CNTNAP2: variants seen among roughly 807,000 people sequenced by gnomAD.
CNTNAP2 encodes contactin associated protein 2.
Under a neutral mutation model 155.2 loss-of-function variants are expected in CNTNAP2, and 98 were observed. That is an observed-to-expected ratio of 0.63 (90% confidence interval 0.54 to 0.75). The LOEUF (loss-of-function observed/expected upper bound fraction) is 0.75. CNTNAP2 is among the 30% of genes least tolerant of loss of function. The pLI is 0.00. For synonymous variants in CNTNAP2, 651 were observed against 631.2 expected, an observed-to-expected ratio of 1.03 and a Z score of -0.47; for missense variants, 1,727 against 1,688.1, an observed-to-expected ratio of 1.02 and a Z score of -0.40.
chr7:147,242,729 A>G (rs1022095842), intron 8 of CNTNAP2, among the ~76,000 whole-genome samples: 6 of 152,142 alleles, frequency 3.9e-5, no homozygotes, highest in Non-Finnish European at 7.3e-5. Flanking sequence ...AACTATTTAA[A>G]AATAAGGCTG....
At chr7:148,364,193 G>A (rs560329859) in intron 21 of CNTNAP2, among the ~76,000 whole-genome samples, 88 of 152,350 alleles carry the variant, frequency 5.8e-4, no homozygotes, top group African/African-American at 2.0e-3. Context: ...TGAGGAATGT[G>A]AGCGCACGGT....
In CNTNAP2 at chr7:147,557,191, G is replaced by A. The variant is rs546267581; in HGVS notation, c.1778-4947G>A. ...ACGCAAGAGGATCGCTTGAACCCGG[G>A]AGGCAAAGATTGCAGTGAGCCGAGA... On this transcript the variant is annotated intron_variant, in intron 11 of 23. Transcript: ENST00000361727. Among the ~76,000 whole-genome samples, 7 of 152,050 alleles carry A rather than the reference G, an allele frequency of 4.6e-5. No individual in the cohort carries two copies. The South Asian group carries it at 1.5e-3, about 32-fold the overall frequency.
At chr7:147,072,339 A>T (rs1799908708) in intron 4 of CNTNAP2, among the ~76,000 whole-genome samples, 1 of 152,132 alleles carries the variant, frequency 6.6e-6, no homozygotes, top group African/African-American at 2.4e-5. Context: ...TTTTGATTCC[A>T]TTAGAAACCC....
At chr7:147,027,652 A>G (rs1207844969) in intron 3 of CNTNAP2, among the ~76,000 whole-genome samples, 4 of 152,204 alleles carry the variant, frequency 2.6e-5, no homozygotes, top group Admixed American at 1.3e-4. Context: ...TGGACAGTTT[A>G]TAAAGTGAAT....
Position 147,603,759 on chromosome 7 carries a change from A to G in CNTNAP2, c.1898-35347A>G, listed in dbSNP as rs1040830361. On this transcript the variant is annotated intron_variant, in intron 12 of 23. Transcript: ENST00000361727. ...ATGGAACCAAAAAAGAGCCCACATC[A>G]CCAAGTCAATCCTAAGCCAAAAGAA... 5.3e-5 allele frequency among the ~76,000 whole-genome samples: 8 copies of G among 152,226 alleles called. No individual in the cohort carries two copies. In the East Asian group the frequency reaches 9.7e-4, roughly 18 times the overall value.
At chr7:146,545,979 A>T (rs1238852880) in intron 1 of CNTNAP2, among the ~76,000 whole-genome samples, 2 of 152,006 alleles carry the variant, frequency 1.3e-5, no homozygotes, top group Non-Finnish European at 2.9e-5. Context: ...ACAATGGATC[A>T]TGATATATTC....
chr7:147,121,080 C>G lies in CNTNAP2; in HGVS notation c.856C>G (p.Arg286Gly). ...CTCTGTGGTCATTGAGCGCCAGGGGCGGAGCATTAACCTCACTCTGGACAG... is the reference window on the plus strand; with the variant it reads ...CTCTGTGGTCATTGAGCGCCAGGGGGGGAGCATTAACCTCACTCTGGACAG... The part of the protein sequence containing the change: ...WHSVVIERQG[R>G]SINLTLDRSM... The change falls in exon 6 of 24, where the codon CGG (arginine) becomes GGG (glycine). Residue 286 changes from arginine (R) to glycine (G), a missense_variant. Coordinates refer to ENST00000361727, the MANE Select transcript of CNTNAP2 (RefSeq NM_014141.6). The G allele has an allele frequency of 6.2e-7, 1 of 1,614,108 alleles. No individual in the cohort carries two copies. The highest frequency in any genetic ancestry group is 8.5e-7 in the Non-Finnish European group (1 of 1,180,016).
intron 4 of CNTNAP2, among the ~76,000 whole-genome samples, chr7:147,086,511 ATGGCAG>A (rs1486197136): frequency 1.3e-5 from 2 of 152,092 alleles, no homozygotes; most frequent in Non-Finnish European, 2.9e-5. Flanking sequence ...ATCATGGCTC[ATGGCAG>A]CCTCAGTTTC....
intron 13 of CNTNAP2, among the ~76,000 whole-genome samples, chr7:147,826,641 A>T (rs981365955): frequency 6.6e-6 from 1 of 152,202 alleles, no homozygotes; most frequent in Non-Finnish European, 1.5e-5. Flanking sequence ...TTTATCAGAG[A>T]TATCAAAGAG....
At chr7:147,325,931 C>A (rs1301022906) in intron 9 of CNTNAP2, among the ~76,000 whole-genome samples, 1 of 150,860 alleles carries the variant, frequency 6.6e-6, no homozygotes, top group Non-Finnish European at 1.5e-5. Context: ...TTCTATTTTC[C>A]TTTTTTTTTG....
At chr7:146,643,736 A>G (rs542421607) in intron 1 of CNTNAP2, among the ~76,000 whole-genome samples, 10 of 152,256 alleles carry the variant, frequency 6.6e-5, no homozygotes, top group African/African-American at 1.9e-4. Context: ...CATTGAATCT[A>G]TAAATTACCT....
At chr7:147,971,363 G>A (rs1289534648) in intron 14 of CNTNAP2, among the ~76,000 whole-genome samples, 2 of 151,936 alleles carry the variant, frequency 1.3e-5, no homozygotes, top group Non-Finnish European at 2.9e-5. Context: ...GGTTTTTTTA[G>A]TAAATTTTTA....
At chr7:146,782,616 G>A (rs78559648) in intron 2 of CNTNAP2, among the ~76,000 whole-genome samples, 1 of 152,168 alleles carries the variant, frequency 6.6e-6, no homozygotes, top group Non-Finnish European at 1.5e-5. Context: ...GGAATAATTT[G>A]TCATCTGAGT....
At position 146,816,529 on chromosome 7, in the gene CNTNAP2, G is replaced by A. The variant is rs539375862; in HGVS notation, c.209-23182G>A. On this transcript the variant is annotated intron_variant, in intron 2 of 23. Transcript: ENST00000361727. ...AACTAATGGGCACACACTGTAAAATGTAATAGGAGTTTAATGTAAATGGGT... is the reference window on the plus strand; with the variant it reads ...AACTAATGGGCACACACTGTAAAATATAATAGGAGTTTAATGTAAATGGGT... Among the ~76,000 whole-genome samples the A allele has an allele frequency of 8.9e-4, 135 of 152,300 alleles. 1 individual carries two copies. The highest frequency in any genetic ancestry group is 3.1e-3 in the African/African-American group (128 of 41,566).
chr7:146,846,021 T>C (rs10246850), intron 3 of CNTNAP2, among the ~76,000 whole-genome samples: 5,667 of 152,290 alleles, frequency 0.037, 352 homozygotes, highest in African/African-American at 0.13. Flanking sequence ...AAATATAAAA[T>C]ATAAATGCCA....
chr7:148,407,295 C>G (rs1434037369), intron 22 of CNTNAP2, among the ~76,000 whole-genome samples: 1 of 152,170 alleles, frequency 6.6e-6, no homozygotes, highest in Non-Finnish European at 1.5e-5. Flanking sequence ...TCCACACTAC[C>G]TACCCCAGAA....
chr7:147,746,447 G>T (rs544927527), intron 13 of CNTNAP2, among the ~76,000 whole-genome samples: 2 of 152,090 alleles, frequency 1.3e-5, no homozygotes, highest in Non-Finnish European at 2.9e-5. Flanking sequence ...AGTCTCACAC[G>T]TCTTCCGCTG....
intron 1 of CNTNAP2, among the ~76,000 whole-genome samples, chr7:146,215,989 A>T (rs1799106565): frequency 6.6e-6 from 1 of 152,190 alleles, no homozygotes; most frequent in Admixed American, 6.5e-5. Flanking sequence ...GTTATGGGGA[A>T]ATGAGACAGG....
intron 17 of CNTNAP2, among the ~76,000 whole-genome samples, chr7:148,166,064 C>A (rs1390786886): frequency 6.6e-6 from 1 of 151,988 alleles, no homozygotes; most frequent in African/African-American, 2.4e-5. Flanking sequence ...TCAGTGGGGC[C>A]TATCCTAACC....
Sources: gnomAD v4.1 joint callset for allele counts (sites outside exome capture counted in the v4.1 genomes callset) on GRCh38, gnomAD v4.1.1 for gene constraint, MANE v1.5 for transcripts, NCBI Gene and HGNC (gene_info 2026-07-23, HGNC 2026-07-21) for gene names.